Variants in SPDYA observed in about 807,000 individuals in gnomAD.
SPDYA encodes speedy/RINGO cell cycle regulator family member A, also known as speedy protein A.
SPDYA carries 11 observed loss-of-function variants against 36.7 expected under a neutral mutation model. The ratio of observed to expected loss-of-function variants is 0.30; its 90% confidence interval spans 0.19 to 0.50. SPDYA has a LOEUF of 0.50. Among genes scored for constraint, SPDYA ranks in the 20% least tolerant of loss-of-function variants. The probability of loss-of-function intolerance (pLI) is 0.98; values close to 1 mark genes in which losing one functional copy is unlikely to be tolerated. For missense variants in SPDYA, 287 were observed against 370.9 expected (o/e 0.77, Z 1.86); for synonymous variants, 115 against 118.7 (o/e 0.97, Z 0.20).
At chr2:28,831,969 T>A (rs1353028800) in intron 6 of SPDYA, among the ~76,000 whole-genome samples, 1 of 152,206 alleles carries the variant, frequency 6.6e-6, no homozygotes, top group Non-Finnish European at 1.5e-5. Context: ...GCATTTCACA[T>A]TTTTTATTTT....
rs777338299 is a variant in SPDYA at position 28,826,611 on chromosome 2, C to CTTTTTTT, written c.381-2518_381-2512dup. Reference sequence around the variant, plus strand: ...AAATTTTCTTTTTCTTTCTTTCTCTCTTTTTTTTTTTTTTTTTTTTTTTTT... The same window carrying CTTTTTTT: ...AAATTTTCTTTTTCTTTCTTTCTCTCTTTTTTTTTTTTTTTTTTTTTTTTTTTTTTTT... On this transcript the variant is annotated intron_variant, in intron 5 of 7. Coordinates refer to ENST00000334056, the MANE Select transcript of SPDYA (RefSeq NM_182756.4). Among the ~76,000 whole-genome samples, 111 of 75,334 alleles carry CTTTTTTT rather than the reference C, an allele frequency of 1.5e-3. 1 individual carries two copies. The highest frequency in any genetic ancestry group is 0.017 in the Middle Eastern group (1 of 58). 49.4% of individuals were successfully genotyped at this position (75,334 alleles called of 152,430 possible). A position where few individuals can be genotyped will look rare whatever the true frequency, so the allele number is the denominator to read the frequency against.
At chr2:28,828,629 T>G (rs1427860307) in intron 5 of SPDYA, among the ~76,000 whole-genome samples, 1 of 152,228 alleles carries the variant, frequency 6.6e-6, no homozygotes, top group Non-Finnish European at 1.5e-5. Flanking sequence ...CATCAAGCAT[T>G]CAGCAGAATG....
chr2:28,846,663 G>C (rs1422633187), intron 7 of SPDYA, among the ~76,000 whole-genome samples: 1 of 150,510 alleles, frequency 6.6e-6, no homozygotes, highest in Non-Finnish European at 1.5e-5. Flanking sequence ...GCTTAAGCTG[G>C]GCCTTGATTG....
intron 6 of SPDYA, among the ~76,000 whole-genome samples, chr2:28,839,900 A>T (rs1668708794): frequency 1.3e-5 from 2 of 152,220 alleles, no homozygotes; most frequent in Non-Finnish European, 2.9e-5. Flanking sequence ...ATTCAGAATT[A>T]AAAAATAAAT....
At chr2:28,815,604 A>G (rs1169713145) in intron 2 of SPDYA, among the ~76,000 whole-genome samples, 1 of 152,178 alleles carries the variant, frequency 6.6e-6, no homozygotes, top group Non-Finnish European at 1.5e-5. Context: ...GAGGTGGCAT[A>G]TAACAACAAT....
chr2:28,824,209 G>A (rs1167255950), intron 5 of SPDYA, among the ~76,000 whole-genome samples: 4 of 152,140 alleles, frequency 2.6e-5, no homozygotes, highest in Admixed American at 6.5e-5. Flanking sequence ...TGGGTACAGT[G>A]GCTTACGCCT....
intron 6 of SPDYA, among the ~76,000 whole-genome samples, chr2:28,834,173 G>A (rs181462069): frequency 2.3e-4 from 35 of 151,886 alleles, no homozygotes; most frequent in Admixed American, 2.0e-3. Context: ...AGCACGATGA[G>A]ATATTACTTC....
At chr2:28,846,722 TAC>T (rs58731880) in intron 7 of SPDYA, among the ~76,000 whole-genome samples, 14,498 of 126,166 alleles carry the variant, frequency 0.11, 747 homozygotes, top group Middle Eastern at 0.14. Flanking sequence ...AGAAGAAAAC[TAC>T]ACACACACAC....
chr2:28,824,553 C>CTTTTTTTTTTCTTTCT (rs1553315252), intron 5 of SPDYA, among the ~76,000 whole-genome samples: 7,280 of 133,090 alleles, frequency 0.055, 289 homozygotes, highest in Non-Finnish European at 0.088. Flanking sequence ...TTCTTTCTTT[C>CTTTTTTTTTTCTTTCT]TTTTTTTTTT....
chr2:28,840,880 C>CATTT, intron 7 of SPDYA: 3 of 548,772 alleles, frequency 5.5e-6, no homozygotes, highest in Non-Finnish European at 6.9e-6. Flanking sequence ...CTGCTTTTTT[C>CATTT]ATTTATCACG....
At position 28,816,217 on chromosome 2, in the gene SPDYA, G is replaced by A. The variant is rs772211977; in HGVS notation, c.203G>A (p.Arg68His). ...RPKGPCLVIQ[R>H]QDMTAFFKLF... Reference sequence around the variant, plus strand: ...AAAGGACCTTGTCTGGTTATACAGCGTCAGGATATGACTGCTTTCTTTAAA... The same window carrying A: ...AAAGGACCTTGTCTGGTTATACAGCATCAGGATATGACTGCTTTCTTTAAA... The change falls in exon 3 of 8, where the codon CGT becomes CAT. Residue 68 changes from arginine to histidine, a missense_variant. Physicochemically the swap from Arg to His is conservative, Grantham distance 29. Coordinates refer to ENST00000334056, the MANE Select transcript of SPDYA (RefSeq NM_182756.4). 1.9e-5 allele frequency: 30 copies of A among 1,612,614 alleles called. No individual in the cohort carries two copies. The highest frequency in any genetic ancestry group is 2.5e-5 in the Non-Finnish European group (29 of 1,179,598).
At chr2:28,831,425 G>A (rs1318122492) in intron 6 of SPDYA, among the ~76,000 whole-genome samples, 1 of 152,090 alleles carries the variant, frequency 6.6e-6, no homozygotes, top group Non-Finnish European at 1.5e-5. Context: ...CTAGGCAGTA[G>A]GGATATGGAT....
At chr2:28,828,683 A>C (rs1042865036) in intron 5 of SPDYA, among the ~76,000 whole-genome samples, 4 of 152,224 alleles carry the variant, frequency 2.6e-5, no homozygotes, top group Admixed American at 1.3e-4. Flanking sequence ...AATCTGAGGA[A>C]AGATGTTAAG....
chr2:28,835,285 G>A (rs1668567623), intron 6 of SPDYA, among the ~76,000 whole-genome samples: 1 of 151,496 alleles, frequency 6.6e-6, no homozygotes, highest in African/African-American at 2.4e-5. Flanking sequence ...GAGTGCAATG[G>A]CGTGATCTTG....
chr2:28,827,626 C>T (rs1380921781), intron 5 of SPDYA, among the ~76,000 whole-genome samples: 2 of 152,072 alleles, frequency 1.3e-5, no homozygotes, highest in Non-Finnish European at 2.9e-5. Context: ...AATCATGGTG[C>T]CTGTGTTATC....
intron 4 of SPDYA, among the ~76,000 whole-genome samples, chr2:28,820,912 A>G (rs531229911): frequency 6.6e-6 from 1 of 152,174 alleles, no homozygotes; most frequent in Non-Finnish European, 1.5e-5. Flanking sequence ...TTTGAAGTAA[A>G]TAGAATAGAA....
intron 6 of SPDYA, among the ~76,000 whole-genome samples, chr2:28,836,724 T>A (rs1668614977): frequency 1.3e-5 from 2 of 152,218 alleles, no homozygotes; most frequent in Non-Finnish European, 2.9e-5. Context: ...TGGAAAGAGA[T>A]GGGTTGTGAT....
At chr2:28,822,033 T>C (rs1050587073) in intron 4 of SPDYA, among the ~76,000 whole-genome samples, 2 of 152,208 alleles carry the variant, frequency 1.3e-5, no homozygotes, top group African/African-American at 4.8e-5. Flanking sequence ...AGTTTCTGTA[T>C]AGGTTTGAAA....
At position 28,816,228 on chromosome 2, in the gene SPDYA, A is replaced by T; in HGVS notation, c.214A>T (p.Thr72Ser). The change falls in exon 3 of 8, where the codon ACT becomes TCT. Residue 72 changes from threonine (T) to serine (S), a missense_variant. Physicochemically the swap from Thr to Ser is moderately conservative, Grantham distance 58 (BLOSUM62 1). Coordinates refer to ENST00000334056, the MANE Select transcript of SPDYA (RefSeq NM_182756.4). ...TCTGGTTATACAGCGTCAGGATATG[A>T]CTGCTTTCTTTAAATTATTTGGTAG... ...PCLVIQRQDM[T>S]AFFKLFDDDL... 1 of 1,602,732 alleles carries T rather than the reference A, an allele frequency of 6.2e-7. No homozygotes were observed. The highest frequency in any genetic ancestry group is 8.5e-7 in the Non-Finnish European group (1 of 1,176,884).
Sources: gnomAD v4.1 joint callset for allele counts (sites outside exome capture counted in the v4.1 genomes callset) on GRCh38, gnomAD v4.1.1 for gene constraint, MANE v1.5 for transcripts, NCBI Gene and HGNC (gene_info 2026-07-23, HGNC 2026-07-21) for gene names.